MYO9B: variants seen among roughly 807,000 people sequenced by gnomAD.
MYO9B encodes unconventional myosin-IXb.
In MYO9B, 71 loss-of-function variants were observed where a neutral mutation model predicts 229.5. That is an observed-to-expected ratio of 0.31 (90% confidence interval 0.26 to 0.38). MYO9B has a LOEUF of 0.38. Among genes scored for constraint, MYO9B ranks in the 10% least tolerant of loss-of-function variants. MYO9B has a pLI of 1.00. For synonymous variants in MYO9B, 1,185 were observed against 1,235.8 expected (o/e 0.96, Z 0.86); for missense variants, 2,255 against 2,920.5 (o/e 0.77, Z 5.25).
At position 17,200,332 on chromosome 19, in the gene MYO9B, T is replaced by TA. The variant is rs1226813363; in HGVS notation, c.4284dup (p.Tyr1429IlefsTer42). ...GGCTTTTTCTGCATAAAACCAAGGA[T>TA]AAAAAATACAGCCTGGAGGGCGCAG... is the stretch of plus-strand genomic sequence containing the variant. On this transcript the variant is annotated frameshift_variant, in exon 25 of 40. Transcript: ENST00000682292. LOFTEE classifies it high-confidence loss of function. The TA allele has an allele frequency of 6.2e-7, 1 of 1,613,360 alleles. No homozygotes were observed. The highest frequency in any genetic ancestry group is 8.5e-7 in the Non-Finnish European group (1 of 1,179,692).
intron 8 of MYO9B, among the ~76,000 whole-genome samples, chr19:17,159,963 A>G (rs551160374): frequency 9.2e-5 from 14 of 152,272 alleles, no homozygotes; most frequent in African/African-American, 2.9e-4. Context: ...ACTCTGGAAC[A>G]TGACACTGAC....
chr19:17,191,315 A>G (rs1456849331), intron 20 of MYO9B, 96 bp downstream of exon 20: 2 of 1,377,804 alleles, frequency 1.5e-6, no homozygotes, highest in Non-Finnish European at 9.8e-7. Context: ...TCTCTGAAAC[A>G]TACAGGGCTC....
In MYO9B at chr19:17,172,225, C is replaced by A; in HGVS notation, c.1794-111C>A. The A allele has an allele frequency of 1.4e-6, 2 of 1,386,448 alleles. No individual in the cohort carries two copies. Among genetic ancestry groups the A allele is most frequent in the Non-Finnish European group, 9.8e-7 (1 of 1,021,438 alleles). The allele number at this position is 1,386,448 out of a possible 1,614,324, so 85.9% of individuals were successfully genotyped here. ...AGCCCTGTGCCACTTCACTGCTCTG[C>A]CCACCCCATGCACCCACCCACCTCG... On this transcript the variant is annotated intron_variant, in intron 11 of 39. Coordinates refer to ENST00000682292, the MANE Select transcript of MYO9B (RefSeq NM_004145.4). The surrounding 1 kb of genome is among the most constrained non-coding windows in gnomAD (Gnocchi z 8.2).
In MYO9B at chr19:17,211,728, C is replaced by T. The variant is rs1464613752; in HGVS notation, c.6012C>T (p.Ser2004=). The T allele has an allele frequency of 1.9e-6, 3 of 1,612,946 alleles. No individual in the cohort carries two copies. Among genetic ancestry groups the T allele is most frequent in the African/African-American group, 2.7e-5 (2 of 74,832 alleles). The stretch of plus-strand genomic sequence containing the variant: ...ACCTGGACTCGGAGACGTCGGCCAG[C>T]ACCGAGAGCCTGCTGGAGGAGCGGG... The part of the protein sequence containing the change: ...EENLDSETSA[S]TESLLEERAG... The change falls in exon 39 of 40, where the codon AGC becomes AGT. Residue 2004 remains serine (S), a synonymous_variant. Transcript: ENST00000682292.
chr19:17,202,094 C>A (rs774441987), intron 27 of MYO9B, 36 bp from the exon 28 acceptor site: 1 of 1,612,390 alleles, frequency 6.2e-7, no homozygotes, highest in Non-Finnish European at 8.5e-7. Flanking sequence ...CCGCCCCTTG[C>A]CCAGGCCTGC....
intron 11 of MYO9B, among the ~76,000 whole-genome samples, chr19:17,170,411 G>T (rs2072709925): frequency 6.6e-6 from 1 of 152,012 alleles, no homozygotes; most frequent in South Asian, 2.1e-4. Context: ...GCTGGCCAGA[G>T]ACTCAAATGA....
At chr19:17,111,880 C>T (rs1276368774) in intron 2 of MYO9B, among the ~76,000 whole-genome samples, 3 of 152,216 alleles carry the variant, frequency 2.0e-5, no homozygotes, top group African/African-American at 7.2e-5. Flanking sequence ...ATCTCTCACA[C>T]TCTGTGGCCT....
intron 1 of MYO9B, among the ~76,000 whole-genome samples, chr19:17,086,549 A>G (rs148525777): frequency 0.022 from 3,281 of 152,174 alleles, 52 homozygotes; most frequent in Non-Finnish European, 0.029. Flanking sequence ...TCCACCTACC[A>G]TTTGCAGTAT....
chr19:17,201,408 C>A (rs957759482), intron 26 of MYO9B, among the ~76,000 whole-genome samples: 1 of 152,080 alleles, frequency 6.6e-6, no homozygotes, highest in East Asian at 1.9e-4. Flanking sequence ...ACAGCGGGCA[C>A]AGGGGGCCGA....
At chr19:17,118,313 A>C (rs2057926625) in intron 2 of MYO9B, among the ~76,000 whole-genome samples, 1 of 151,726 alleles carries the variant, frequency 6.6e-6, no homozygotes, top group Non-Finnish European at 1.5e-5. Flanking sequence ...GCCACCACCT[A>C]GATGGAGGCC....
At chr19:17,131,363 C>T (rs2072193947) in intron 2 of MYO9B, among the ~76,000 whole-genome samples, 1 of 152,238 alleles carries the variant, frequency 6.6e-6, no homozygotes, top group Non-Finnish European at 1.5e-5. Flanking sequence ...CTGCCTCCCG[C>T]ATTCAAGCGA....
In MYO9B at chr19:17,206,014, A is replaced by G. The variant is rs1172605269; in HGVS notation, c.5119A>G (p.Ser1707Gly). ...CGGCGTGTGCGTAGACAGCCTGACC[A>G]GCGACAAGGCCTCGGTGCCCATCGT... ...HFGVCVDSLT[S>G]DKASVPIVLE... Residue 1707 changes from serine to glycine, a missense_variant, in exon 32 of 40, where the codon AGC (serine) becomes GGC (glycine). Physicochemically the swap from Ser to Gly is moderately conservative, Grantham distance 56. This residue lies in a region of MYO9B where 416 missense variants were observed against 605.5 expected (regional missense o/e 0.69). Coordinates refer to ENST00000682292, the MANE Select transcript of MYO9B (RefSeq NM_004145.4). The G allele has an allele frequency of 2.5e-6, 4 of 1,606,002 alleles. No homozygotes were observed. In the South Asian group the frequency reaches 4.4e-5, roughly 18 times the overall value.
intron 1 of MYO9B, among the ~76,000 whole-genome samples, chr19:17,078,739 C>T (rs185256700): frequency 1.3e-5 from 2 of 152,240 alleles, no homozygotes; most frequent in African/African-American, 2.4e-5. Context: ...TAAACCACTC[C>T]GGGTGGAAGG....
rs138024434 is a variant in MYO9B at position 17,195,342 on chromosome 19, G to A, written c.3915G>A (p.Arg1305=). The A allele has an allele frequency of 4.4e-4, 705 of 1,612,318 alleles. 1 individual carries two copies. In the African/African-American group the frequency reaches 8.5e-3, roughly 19 times the overall value. The change falls in exon 22 of 40, where the codon CGG becomes CGA. Residue 1305 remains arginine, a synonymous_variant. Coordinates refer to ENST00000682292, the MANE Select transcript of MYO9B (RefSeq NM_004145.4). This position sits in a 1 kb window ranked among gnomAD's most constrained non-coding sequence, Gnocchi z 4.5. The stretch of plus-strand genomic sequence containing the variant: ...TCCAGCGGTACCTGGACGCCGAGCG[G>A]CTGGCCAGCGCCGTGGAACTGTGGC... The part of the protein sequence containing the change: ...TQIQRYLDAE[R]LASAVELWRG...
At chr19:17,117,881 T>A (rs898763542) in intron 2 of MYO9B, among the ~76,000 whole-genome samples, 14 of 138,970 alleles carry the variant, frequency 1.0e-4, no homozygotes, top group Non-Finnish European at 2.1e-4. Flanking sequence ...GAAGTTGCAG[T>A]GAGCCAAGAT....
At chr19:17,132,525 A>ATTTTT (rs35184435) in intron 2 of MYO9B, among the ~76,000 whole-genome samples, 9 of 116,360 alleles carry the variant, frequency 7.7e-5, no homozygotes, top group Middle Eastern at 5.0e-3. Context: ...TATTATTATT[A>ATTTTT]TTTTTTTTTT....
intron 35 of MYO9B, 117 bp from the exon 36 acceptor site, chr19:17,209,469 C>T: frequency 9.0e-7 from 1 of 1,116,656 alleles, no homozygotes; most frequent in South Asian, 1.5e-5. Flanking sequence ...GTCCCAGGCA[C>T]TGCTTGGTCT....
intron 7 of MYO9B, among the ~76,000 whole-genome samples, 157 bp from the exon 8 acceptor site, chr19:17,159,234 CGGGT>C (rs1327223642): frequency 1.4e-5 from 1 of 69,240 alleles, no homozygotes; most frequent in Non-Finnish European, 3.7e-5. Flanking sequence ...CAGCACATCG[CGGGT>C]GGGTGGGTGG....
At chr19:17,089,765 T>A (rs1296578124) in intron 1 of MYO9B, among the ~76,000 whole-genome samples, 1 of 152,210 alleles carries the variant, frequency 6.6e-6, no homozygotes, top group Non-Finnish European at 1.5e-5. Flanking sequence ...TCCGTTTTTT[T>A]AAAAGGAGTG....
Sources: gnomAD v4.1 joint callset for allele counts (sites outside exome capture counted in the v4.1 genomes callset) on GRCh38, gnomAD v4.1.1 for gene constraint, gnomAD v4.1.1 regional missense constraint, Gnocchi (gnomAD v3.1) non-coding constraint, MANE v1.5 for transcripts, NCBI Gene and HGNC (gene_info 2026-07-23, HGNC 2026-07-21) for gene names.